The following CIMAP3 variants were observed in gnomAD, a reference collection of about 807,000 sequenced individuals.
CIMAP3 encodes the protein ciliary microtubule associated protein 3.
the CIMAP3 span, chr1:111,347,611 G>GT: frequency 7.1e-6 from 7 of 987,000 alleles, no homozygotes; most frequent in East Asian, 2.7e-5. Flanking sequence ...ACTATGCGTT[G>GT]TTTTTTCTTT....
the CIMAP3 span, among the ~76,000 whole-genome samples, chr1:111,331,534 G>C: frequency 2.0e-5 from 3 of 151,932 alleles, no homozygotes; most frequent in Admixed American, 2.0e-4. Flanking sequence ...TCAGCTCTAG[G>C]ATTTGTTTGG....
chr1:111,348,155 G>C, the CIMAP3 span, among the ~76,000 whole-genome samples: 1 of 152,158 alleles, frequency 6.6e-6, no homozygotes, highest in Admixed American at 6.5e-5. Flanking sequence ...AGTTCAGTAG[G>C]GGATCCTAAT....
the CIMAP3 span, among the ~76,000 whole-genome samples, chr1:111,335,096 C>T: frequency 3.0e-5 from 4 of 132,206 alleles, no homozygotes; most frequent in African/African-American, 1.2e-4. Context: ...TCATTGCACT[C>T]CAGCCTGGGT....
At chr1:111,324,735 A>G in the CIMAP3 span, 3 of 985,402 alleles carry the variant, frequency 3.0e-6, no homozygotes, top group Non-Finnish European at 3.6e-6. Context: ...TACATGAGAG[A>G]TCCAGGCTTA....
the CIMAP3 span, among the ~76,000 whole-genome samples, chr1:111,329,649 G>A: frequency 1.3e-5 from 2 of 150,156 alleles, no homozygotes; most frequent in African/African-American, 2.4e-5. Context: ...CCACCTCCCA[G>A]GTTCAAGTGA....
the CIMAP3 span, among the ~76,000 whole-genome samples, chr1:111,346,062 C>T: frequency 0.049 from 7,440 of 152,264 alleles, 264 homozygotes; most frequent in Non-Finnish European, 0.071. Flanking sequence ...GCATTCTACC[C>T]GGTCCACGCA....
At chr1:111,350,695 T>G in the CIMAP3 span, among the ~76,000 whole-genome samples, 1 of 152,242 alleles carries the variant, frequency 6.6e-6, no homozygotes, top group Non-Finnish European at 1.5e-5. Flanking sequence ...GCTGCAGTAT[T>G]TACTTGTGTA....
chr1:111,339,986 T>C, the CIMAP3 span, among the ~76,000 whole-genome samples: 1 of 151,640 alleles, frequency 6.6e-6, no homozygotes, highest in African/African-American at 2.4e-5. Flanking sequence ...CAAAACAGCA[T>C]GGTACTGGTA....
chr1:111,326,544 T>C, the CIMAP3 span, among the ~76,000 whole-genome samples: 1 of 152,166 alleles, frequency 6.6e-6, no homozygotes, highest in Non-Finnish European at 1.5e-5. Flanking sequence ...TATCCATTCA[T>C]CTGTTTGTTT....
the CIMAP3 span, chr1:111,347,913 TAAG>T: frequency 1.6e-6 from 1 of 616,210 alleles, no homozygotes; most frequent in African/African-American, 1.8e-5. Context: ...CAAAAGCTAT[TAAG>T]AAGCCTATCT....
chr1:111,338,190 C>A, the CIMAP3 span, among the ~76,000 whole-genome samples: 1 of 151,594 alleles, frequency 6.6e-6, no homozygotes, highest in Non-Finnish European at 1.5e-5. Context: ...GGGACACATT[C>A]AAAGCAGTGT....
the CIMAP3 span, chr1:111,348,395 G>T: frequency 3.7e-6 from 4 of 1,071,036 alleles, no homozygotes; most frequent in Admixed American, 1.1e-4. Flanking sequence ...GCTTGAGGTG[G>T]CTGAACCATA....
chr1:111,350,260 C>G, the CIMAP3 span: 2 of 1,491,148 alleles, frequency 1.3e-6, no homozygotes, highest in Non-Finnish European at 9.3e-7. Flanking sequence ...GACTCTTATT[C>G]GATCTAGTAC....
chr1:111,333,413 T>A, the CIMAP3 span, among the ~76,000 whole-genome samples: 1 of 152,122 alleles, frequency 6.6e-6, no homozygotes, highest in Non-Finnish European at 1.5e-5. Context: ...TCAAGATGGC[T>A]CCATGCTGCA....
chr1:111,336,027 A>G, the CIMAP3 span, among the ~76,000 whole-genome samples: 2 of 152,358 alleles, frequency 1.3e-5, no homozygotes, highest in Admixed American at 6.5e-5. Flanking sequence ...ATCAGACAGC[A>G]GCATTCGCGG....
chr1:111,329,550 TATATATATAA>T, the CIMAP3 span, among the ~76,000 whole-genome samples: 15 of 133,518 alleles, frequency 1.1e-4, no homozygotes, highest in South Asian at 6.9e-4. Flanking sequence ...TATATATATA[TATATATATAA>T]TTTTTTTTTT....
At chr1:111,340,661 A>AT in the CIMAP3 span, among the ~76,000 whole-genome samples, 1 of 152,216 alleles carries the variant, frequency 6.6e-6, no homozygotes, top group African/African-American at 2.4e-5. Context: ...GTGAGATACC[A>AT]TCTCACACCA....
the CIMAP3 span, among the ~76,000 whole-genome samples, chr1:111,339,842 T>A: frequency 6.6e-6 from 1 of 151,850 alleles, no homozygotes; most frequent in African/African-American, 2.4e-5. Flanking sequence ...CTTTACAGAA[T>A]TGGAAAAAAC....
the CIMAP3 span, chr1:111,352,547 AG>A: frequency 6.6e-6 from 1 of 152,670 alleles, no homozygotes; most frequent in Admixed American, 6.5e-5. Flanking sequence ...GAAATCACAT[AG>A]GATATATTAA....
Sources: allele counts gnomAD v4.1 joint callset (sites outside exome capture counted in the v4.1 genomes callset), GRCh38; gene constraint gnomAD v4.1.1; transcripts MANE v1.5; gene names NCBI Gene and HGNC (gene_info 2026-07-23, HGNC 2026-07-21).